Variants in ZC3H12B observed in about 807,000 individuals in gnomAD.
ZC3H12B encodes zinc finger CCCH-type containing 12B, also known as probable ribonuclease ZC3H12B.
A neutral mutation model predicts 43.9 loss-of-function variants in ZC3H12B; 7 were observed. The observed-to-expected ratio is 0.16, with a 90% CI of 0.09 to 0.30. ZC3H12B has a LOEUF of 0.30. ZC3H12B is among the 10% of genes least tolerant of loss of function. ZC3H12B has a pLI of 1.00. For missense variants in ZC3H12B, 475 were observed against 670.2 expected (o/e 0.71, Z 3.22); for synonymous variants, 222 against 241.7 (o/e 0.92, Z 0.76).
chrX:65,325,284 C>A, the ZC3H12B span, among the ~76,000 whole-genome samples: 1 of 110,990 alleles, frequency 9.0e-6, no homozygotes, highest in Non-Finnish European at 1.9e-5. Flanking sequence ...TAAAAGGCAT[C>A]TAAATGAGAA....
At chrX:65,392,940 C>T (rs2066645502) in intron 2 of ZC3H12B, among the ~76,000 whole-genome samples, 1 of 112,236 alleles carries the variant, frequency 8.9e-6, no homozygotes, top group Non-Finnish European at 1.9e-5. Context: ...AATGTATAAC[C>T]TTACCCCAAC....
the ZC3H12B span, among the ~76,000 whole-genome samples, chrX:65,098,553 A>G: frequency 9.1e-6 from 1 of 109,715 alleles, no homozygotes; most frequent in African/African-American, 3.3e-5. Flanking sequence ...TACCCTGTTC[A>G]TCTCATTGGG....
chrX:65,065,102 C>T, the ZC3H12B span, among the ~76,000 whole-genome samples: 2 of 110,917 alleles, frequency 1.8e-5, no homozygotes, highest in East Asian at 5.7e-4. Context: ...TCCAGTTTGC[C>T]AGTCTGTATC....
chrX:65,296,892 TA>T, the ZC3H12B span, among the ~76,000 whole-genome samples: 16 of 110,751 alleles, frequency 1.4e-4, no homozygotes, highest in Non-Finnish European at 2.7e-4. Context: ...TAAACATAAT[TA>T]AAAAAAATTA....
the ZC3H12B span, among the ~76,000 whole-genome samples, chrX:65,227,378 A>G: frequency 8.9e-6 from 1 of 112,091 alleles, no homozygotes; most frequent in African/African-American, 3.2e-5. Flanking sequence ...GACACATTCA[A>G]AGCAGTGTGT....
chrX:65,405,841 G>T (rs1468281386), intron 3 of ZC3H12B, among the ~76,000 whole-genome samples: 1 of 111,680 alleles, frequency 9.0e-6, no homozygotes, highest in Non-Finnish European at 1.9e-5. Context: ...GAAATTCAAA[G>T]ATCATTTGTG....
the ZC3H12B span, among the ~76,000 whole-genome samples, chrX:65,209,631 G>C: frequency 1.8e-5 from 2 of 109,238 alleles, no homozygotes; most frequent in African/African-American, 6.7e-5. Flanking sequence ...GGTGTGGTGT[G>C]GTGCTGAAAA....
chrX:65,230,898 G>A, the ZC3H12B span, among the ~76,000 whole-genome samples: 1 of 111,954 alleles, frequency 8.9e-6, no homozygotes, highest in South Asian at 3.7e-4. Flanking sequence ...CTTTAACGCT[G>A]TAATTTTGGT....
At chrX:65,458,004 C>T (rs1163273843) in intron 3 of ZC3H12B, among the ~76,000 whole-genome samples, 3 of 61,352 alleles carry the variant, frequency 4.9e-5, no homozygotes, top group Non-Finnish European at 8.3e-5. Flanking sequence ...CTTCCCTCCA[C>T]TATTGTCCTA....
the ZC3H12B span, among the ~76,000 whole-genome samples, chrX:65,047,254 T>C: frequency 1.8e-5 from 2 of 111,378 alleles, no homozygotes; most frequent in African/African-American, 6.5e-5. Flanking sequence ...TACCCCTGCA[T>C]ATTATTTTTG....
the ZC3H12B span, among the ~76,000 whole-genome samples, chrX:65,280,142 C>T: frequency 1.2e-4 from 13 of 111,953 alleles, no homozygotes; most frequent in Non-Finnish European, 2.4e-4. Flanking sequence ...AATATACACA[C>T]AAAAATCCTC....
At chrX:65,064,893 G>A in the ZC3H12B span, among the ~76,000 whole-genome samples, 17 of 111,226 alleles carry the variant, frequency 1.5e-4, no homozygotes, top group Non-Finnish European at 3.0e-4. Flanking sequence ...TTACCATTAC[G>A]TGTTGCCTTT....
At chrX:65,252,417 C>A in the ZC3H12B span, among the ~76,000 whole-genome samples, 1 of 111,680 alleles carries the variant, frequency 9.0e-6, no homozygotes, top group Non-Finnish European at 1.9e-5. Context: ...TGTGTCTCTG[C>A]CAGGGCCAGG....
At chrX:65,276,731 T>C in the ZC3H12B span, among the ~76,000 whole-genome samples, 1 of 111,736 alleles carries the variant, frequency 8.9e-6, no homozygotes, top group Non-Finnish European at 1.9e-5. Context: ...TAAAACTCAC[T>C]GGTAGAGCTG....
At chrX:65,493,882 A>G (rs922707042) in intron 1 of ZC3H12B, among the ~76,000 whole-genome samples, 2 of 111,753 alleles carry the variant, frequency 1.8e-5, no homozygotes, top group African/African-American at 3.3e-5. Flanking sequence ...AAAAAAAATT[A>G]TTCATTCCTT....
At chrX:65,212,354 T>A in the ZC3H12B span, among the ~76,000 whole-genome samples, 1 of 26,948 alleles carries the variant, frequency 3.7e-5, no homozygotes, top group African/African-American at 1.6e-4. Flanking sequence ...TAAATATAAT[T>A]ATTATATTTA....
the ZC3H12B span, among the ~76,000 whole-genome samples, chrX:65,213,117 G>A: frequency 1.9e-5 from 2 of 107,199 alleles, no homozygotes; most frequent in African/African-American, 6.8e-5. Context: ...CTTGTAAATT[G>A]TTTATTTTTT....
the ZC3H12B span, among the ~76,000 whole-genome samples, chrX:65,222,602 AAATAATAATAAT>A: frequency 5.2e-3 from 478 of 91,138 alleles, 5 homozygotes; most frequent in Middle Eastern, 0.017. Flanking sequence ...AATAGCTGCA[AAATAATAATAAT>A]AATAATAATA....
chrX:65,285,748 G>A, the ZC3H12B span, among the ~76,000 whole-genome samples: 1 of 111,605 alleles, frequency 9.0e-6, no homozygotes, highest in African/African-American at 3.3e-5. Flanking sequence ...TCACCATTAT[G>A]TAATCACATT....
Sources: allele counts gnomAD v4.1 joint callset (sites outside exome capture counted in the v4.1 genomes callset), GRCh38; gene constraint gnomAD v4.1.1; transcripts MANE v1.5; gene names NCBI Gene and HGNC (gene_info 2026-07-23, HGNC 2026-07-21).